Variants in CACNB4 observed in about 807,000 individuals in gnomAD.
CACNB4 encodes calcium voltage-gated channel auxiliary subunit beta 4, also known as voltage-dependent L-type calcium channel subunit beta-4.
CACNB4 carries 32 observed loss-of-function variants against 71.2 expected under a neutral mutation model. The ratio of observed to expected loss-of-function variants is 0.45; its 90% CI spans 0.34 to 0.60. The LOEUF is 0.60. CACNB4 is among the 20% of genes least tolerant of loss of function. The probability of loss-of-function intolerance (pLI) is 0.01; values close to 1 mark genes in which losing one functional copy is unlikely to be tolerated. For missense variants in CACNB4, 464 were observed against 647.9 expected (o/e 0.72, Z 3.08); for synonymous variants, 231 against 236.9 (o/e 0.97, Z 0.23).
intron 9 of CACNB4, among the ~76,000 whole-genome samples, chr2:151,864,082 T>C (rs1352019668): frequency 6.6e-6 from 1 of 152,202 alleles, no homozygotes; most frequent in Non-Finnish European, 1.5e-5. Flanking sequence ...AGTGGTATCC[T>C]TTCTACTTCT....
chr2:152,020,917 G>A lies in CACNB4; in HGVS notation c.147+77413C>T, dbSNP rs565150222. Among the ~76,000 whole-genome samples the A allele has an allele frequency of 5.3e-5, 8 of 152,210 alleles. No individual in the cohort carries two copies. In the East Asian group the frequency reaches 1.2e-3, roughly 22 times the overall value. ...TTCAAGGCTTATCCCCAAAATCAAC[G>A]CTTAAAATAACTCGGAAACTACTAG... On this transcript the variant is annotated intron_variant, in intron 2 of 13. Transcript: ENST00000539935.
Position 152,069,911 on chromosome 2 carries a change from C to A in CACNB4, c.147+28419G>T, listed in dbSNP as rs961466135. On this transcript the variant is annotated intron_variant, in intron 2 of 13. Coordinates refer to ENST00000539935, the MANE Select transcript of CACNB4 (RefSeq NM_000726.5). ...AGGCTGGAGGGCAGTGGCACGATCT[C>A]GGCTCACTGCAAGCTCTGCCTCCCG... 2.1e-5 allele frequency among the ~76,000 whole-genome samples: 3 copies of A among 144,554 alleles called. No homozygotes were observed. In the Admixed American group the frequency reaches 2.1e-4, roughly 10 times the overall value. The allele number at this position is 144,554 out of a possible 152,430, so 94.8% of individuals were successfully genotyped here.
intron 9 of CACNB4, chr2:151,868,593 T>G (rs2099843777): frequency 6.6e-6 from 1 of 152,042 alleles, no homozygotes; most frequent in Non-Finnish European, 1.5e-5. Context: ...TAAAATACAT[T>G]AAAAAAAGAT....
At chr2:151,977,133 C>G in intron 2 of CACNB4, among the ~76,000 whole-genome samples, 1 of 152,206 alleles carries the variant, frequency 6.6e-6, no homozygotes, top group East Asian at 1.9e-4. Context: ...ACCTACCTCT[C>G]ATTACTGAGT....
At chr2:152,005,272 A>G (rs1682657002) in intron 2 of CACNB4, among the ~76,000 whole-genome samples, 1 of 152,236 alleles carries the variant, frequency 6.6e-6, no homozygotes, top group Non-Finnish European at 1.5e-5. Flanking sequence ...GACTCAACCT[A>G]CATGCCCATC....
At chr2:152,044,222 T>G (rs749141084) in intron 2 of CACNB4, among the ~76,000 whole-genome samples, 1 of 152,028 alleles carries the variant, frequency 6.6e-6, no homozygotes, top group African/African-American at 2.4e-5. Context: ...TTATTTTTAT[T>G]TTTATTTTAT....
intron 2 of CACNB4, among the ~76,000 whole-genome samples, chr2:151,987,379 C>G (rs186354831): frequency 6.6e-6 from 1 of 152,146 alleles, no homozygotes; most frequent in Non-Finnish European, 1.5e-5. Context: ...CACTCTGTTC[C>G]ATTCTGTTTC....
At chr2:151,867,994 T>C (rs2099843628) in intron 9 of CACNB4, 1 of 152,248 alleles carries the variant, frequency 6.6e-6, no homozygotes, top group East Asian at 1.9e-4. Context: ...TATATACTAA[T>C]GTACCTAGAA....
At chr2:152,089,151 ACT>A (rs1201355546) in intron 2 of CACNB4, among the ~76,000 whole-genome samples, 4 of 152,172 alleles carry the variant, frequency 2.6e-5, no homozygotes, top group African/African-American at 9.7e-5. Context: ...CAGAACTGAC[ACT>A]CTTATAGAAT....
At chr2:152,048,163 A>G (rs186046038) in intron 2 of CACNB4, among the ~76,000 whole-genome samples, 70 of 152,248 alleles carry the variant, frequency 4.6e-4, no homozygotes, top group Admixed American at 8.5e-4. Flanking sequence ...AATGTCTGAC[A>G]GCATCCCTGG....
intron 2 of CACNB4, among the ~76,000 whole-genome samples, chr2:151,984,051 T>C (rs1255697303): frequency 6.6e-6 from 1 of 152,202 alleles, no homozygotes; most frequent in Admixed American, 6.5e-5. Flanking sequence ...TTTAAATAAA[T>C]GTGCAATACC....
Position 151,890,181 on chromosome 2 carries a change from T to C in CACNB4, c.148-6811A>G, listed in dbSNP as rs1175140941. On this transcript the variant is annotated intron_variant, in intron 2 of 13. Coordinates refer to ENST00000539935, the MANE Select transcript of CACNB4 (RefSeq NM_000726.5). The stretch of plus-strand genomic sequence containing the variant: ...GGTATCTTGCATGGATTCTCACAAA[T>C]AGGTTTTCAAAAATGTTGGCTGAAA... 3.3e-5 allele frequency among the ~76,000 whole-genome samples: 5 copies of C among 152,176 alleles called. No homozygotes were observed. The East Asian group carries it at 9.6e-4, about 29-fold the overall frequency.
intron 2 of CACNB4, among the ~76,000 whole-genome samples, chr2:152,020,352 G>A (rs1039505534): frequency 6.6e-6 from 1 of 152,206 alleles, no homozygotes; most frequent in Admixed American, 6.5e-5. Context: ...AACTGGATAA[G>A]TGCCATTCTC....
At chr2:152,016,821 A>G (rs1489833435) in intron 2 of CACNB4, among the ~76,000 whole-genome samples, 1 of 152,276 alleles carries the variant, frequency 6.6e-6, no homozygotes, top group African/African-American at 2.4e-5. Flanking sequence ...TAATATTCAT[A>G]GTAATAATAG....
rs537475768 is a variant in CACNB4, at chr2:151,992,000, C to G, written c.147+106330G>C. 3.9e-5 allele frequency among the ~76,000 whole-genome samples: 6 copies of G among 152,344 alleles called. No homozygotes were observed. The East Asian group carries it at 1.2e-3, about 29-fold the overall frequency. On this transcript the variant is annotated intron_variant, in intron 2 of 13. Transcript: ENST00000539935. ...TGGGACTCAGTCCCACTGAGAACTT[C>G]TAAGCGAGAGTAAAATGCTCTCCAG...
intron 2 of CACNB4, among the ~76,000 whole-genome samples, chr2:151,920,909 C>A (rs376273904): frequency 6.6e-6 from 1 of 151,972 alleles, no homozygotes; most frequent in East Asian, 1.9e-4. Context: ...GAGGCCAAGG[C>A]GGACGGATCA....
intron 2 of CACNB4, among the ~76,000 whole-genome samples, chr2:152,070,921 T>C (rs1686653518): frequency 6.6e-6 from 1 of 152,098 alleles, no homozygotes; most frequent in East Asian, 1.9e-4. Flanking sequence ...GCACACACCA[T>C]CACACCCGGC....
rs2099857569 is a variant in CACNB4, at chr2:151,916,479, T to C, written c.148-33109A>G. ...TCATGCCTATTTTAAAAGGTTTCCA[T>C]TTATGAAAAAAAAAGAGAATGTCAT... On this transcript the variant is annotated intron_variant, in intron 2 of 13. Transcript: ENST00000539935. 2.0e-4 allele frequency among the ~76,000 whole-genome samples: 4 copies of C among 19,964 alleles called. No individual in the cohort carries two copies. In the Admixed American group the frequency reaches 3.6e-3, roughly 18 times the overall value. 13.1% of individuals were successfully genotyped at this position (19,964 alleles called of 152,430 possible).
intron 2 of CACNB4, among the ~76,000 whole-genome samples, chr2:151,998,057 T>C (rs1682164654): frequency 6.6e-6 from 1 of 152,126 alleles, no homozygotes; most frequent in Non-Finnish European, 1.5e-5. Context: ...GCATGGTGGC[T>C]CATGTCTGTA....
Sources: gnomAD v4.1 joint callset for allele counts (sites outside exome capture counted in the v4.1 genomes callset) on GRCh38, gnomAD v4.1.1 for gene constraint, MANE v1.5 for transcripts, NCBI Gene and HGNC (gene_info 2026-07-23, HGNC 2026-07-21) for gene names.